The following PXDNL variants were observed in gnomAD, a reference collection of about 807,000 sequenced individuals.
PXDNL encodes peroxidasin like.
A neutral mutation model predicts 150.8 loss-of-function variants in PXDNL; 145 were observed. That is an observed-to-expected ratio of 0.96 (90% CI 0.84 to 1.10). The LOEUF (loss-of-function observed/expected upper bound fraction) is 1.10. Ranked by LOEUF, PXDNL falls within the 50% of genes least tolerant of loss-of-function variation. The pLI, the probability that PXDNL is intolerant of heterozygous loss-of-function variation, is 0.00. For missense variants in PXDNL, 2,087 were observed against 1,873.9 expected (o/e 1.11, Z -2.10); for synonymous variants, 757 against 725.7 (o/e 1.04, Z -0.69).
intron 7 of PXDNL, among the ~76,000 whole-genome samples, chr8:51,473,410 GGTCAGTGGGAA>G (rs1354246913): frequency 6.6e-6 from 1 of 152,070 alleles, no homozygotes; most frequent in Admixed American, 6.6e-5. Flanking sequence ...GGGATAGGTA[GGTCAGTGGGAA>G]GGGGGTTTGA....
intron 2 of PXDNL, among the ~76,000 whole-genome samples, chr8:51,647,682 C>A (rs1445731455): frequency 6.6e-6 from 1 of 152,172 alleles, no homozygotes; most frequent in African/African-American, 2.4e-5. Context: ...TCTACCACTG[C>A]ATTTTTCTGC....
intron 17 of PXDNL, among the ~76,000 whole-genome samples, chr8:51,376,746 T>A (rs984548202): frequency 2.0e-5 from 3 of 150,936 alleles, no homozygotes; most frequent in Non-Finnish European, 2.9e-5. Context: ...TTATACGGAG[T>A]CTTACTCTGT....
chr8:51,728,406 T>C (rs1423789123), intron 1 of PXDNL, among the ~76,000 whole-genome samples: 1 of 152,144 alleles, frequency 6.6e-6, no homozygotes, highest in Non-Finnish European at 1.5e-5. Flanking sequence ...TCAAAATGTG[T>C]TCCAGAAGAA....
At chr8:51,500,353 A>C (rs1278389049) in intron 4 of PXDNL, among the ~76,000 whole-genome samples, 3 of 152,332 alleles carry the variant, frequency 2.0e-5, no homozygotes, top group African/African-American at 4.8e-5. Flanking sequence ...CCCTCTGTGC[A>C]ACTGATCCAG....
chr8:51,664,557 C>A (rs1004401996), intron 1 of PXDNL, among the ~76,000 whole-genome samples: 2 of 152,158 alleles, frequency 1.3e-5, no homozygotes, highest in African/African-American at 4.8e-5. Context: ...ATAAACACAG[C>A]ATGAAGACAG....
chr8:51,702,738 TATC>T (rs1458385925), intron 1 of PXDNL, among the ~76,000 whole-genome samples: 16 of 152,304 alleles, frequency 1.1e-4, no homozygotes, highest in Admixed American at 1.3e-4. Flanking sequence ...TGTGAATTGT[TATC>T]ATGTTCCCAG....
intron 17 of PXDNL, among the ~76,000 whole-genome samples, chr8:51,390,893 C>A (rs1237550353): frequency 6.6e-6 from 1 of 152,076 alleles, no homozygotes; most frequent in Non-Finnish European, 1.5e-5. Flanking sequence ...TATCCCTCCC[C>A]CCTCCTCCGA....
intron 2 of PXDNL, among the ~76,000 whole-genome samples, chr8:51,611,686 T>C (rs919109758): frequency 6.6e-6 from 1 of 152,122 alleles, no homozygotes; most frequent in Non-Finnish European, 1.5e-5. Context: ...CACGGCACTC[T>C]GGAGGAGGGG....
intron 1 of PXDNL, among the ~76,000 whole-genome samples, chr8:51,732,264 C>A (rs1391954555): frequency 1.3e-5 from 2 of 152,196 alleles, no homozygotes; most frequent in African/African-American, 4.8e-5. Context: ...CAAAGTTCCA[C>A]AAATCTCTAG....
intron 12 of PXDNL, among the ~76,000 whole-genome samples, chr8:51,427,442 G>GA (rs1394892682): frequency 9.5e-5 from 14 of 146,960 alleles, no homozygotes; most frequent in Admixed American, 6.7e-5. Flanking sequence ...TACAAACAAA[G>GA]AAAAAAAAAG....
At chr8:51,551,017 C>G (rs60495068) in intron 4 of PXDNL, among the ~76,000 whole-genome samples, 37,860 of 151,984 alleles carry the variant, frequency 0.25, 5,455 homozygotes, top group African/African-American at 0.38. Context: ...TATACACCAA[C>G]AGTGACCAAG....
chr8:51,394,650 T>C (rs909242881), intron 17 of PXDNL, among the ~76,000 whole-genome samples: 1 of 152,208 alleles, frequency 6.6e-6, no homozygotes, highest in Non-Finnish European at 1.5e-5. Context: ...TGTCTGACTA[T>C]GTAACAAACT....
intron 2 of PXDNL, among the ~76,000 whole-genome samples, chr8:51,638,166 C>T (rs947004857): frequency 2.0e-5 from 3 of 152,086 alleles, no homozygotes; most frequent in Non-Finnish European, 2.9e-5. Flanking sequence ...ATTTTGTCAC[C>T]ACCAGGCCTG....
intron 5 of PXDNL, among the ~76,000 whole-genome samples, chr8:51,494,581 G>C (rs1309877182): frequency 6.6e-6 from 1 of 152,106 alleles, no homozygotes; most frequent in Admixed American, 6.6e-5. Flanking sequence ...AGGGATGGAA[G>C]AAGATCTACC....
chr8:51,382,375 C>T (rs1251307923), intron 17 of PXDNL, among the ~76,000 whole-genome samples: 1 of 152,148 alleles, frequency 6.6e-6, no homozygotes, highest in Admixed American at 6.5e-5. Flanking sequence ...GGATGATAAA[C>T]TTCTGATGTC....
intron 1 of PXDNL, among the ~76,000 whole-genome samples, chr8:51,792,640 C>T (rs762342129): frequency 1.3e-5 from 2 of 152,176 alleles, no homozygotes; most frequent in African/African-American, 2.4e-5. Context: ...ATTTTTCCCC[C>T]TGCTGGTGCT....
chr8:51,574,204 AC>A (rs1452040936), intron 3 of PXDNL, among the ~76,000 whole-genome samples: 1 of 152,022 alleles, frequency 6.6e-6, no homozygotes, highest in Non-Finnish European at 1.5e-5. Flanking sequence ...GCCTTAAAAA[AC>A]AAATAGGAAA....
chr8:51,549,288 A>G (rs1812429990), intron 4 of PXDNL, among the ~76,000 whole-genome samples: 1 of 152,190 alleles, frequency 6.6e-6, no homozygotes, highest in Non-Finnish European at 1.5e-5. Flanking sequence ...GAAAGTCCAC[A>G]AAGAAGCAAT....
intron 2 of PXDNL, among the ~76,000 whole-genome samples, chr8:51,617,136 G>GA (rs2130727179): frequency 6.6e-6 from 1 of 152,196 alleles, no homozygotes; most frequent in Non-Finnish European, 1.5e-5. Context: ...AGGAAGAAAT[G>GA]AAAAACACAA....
Sources: allele counts gnomAD v4.1 joint callset (sites outside exome capture counted in the v4.1 genomes callset), GRCh38; gene constraint gnomAD v4.1.1; transcripts MANE v1.5; gene names NCBI Gene and HGNC (gene_info 2026-07-23, HGNC 2026-07-21).